CPEB3: variants seen among roughly 807,000 people sequenced by gnomAD.
CPEB3 encodes the protein cytoplasmic polyadenylation element-binding protein 3.
In CPEB3, 20 loss-of-function variants were observed where a neutral mutation model predicts 67.2. The observed-to-expected ratio is 0.30, with a 90% confidence interval of 0.21 to 0.43. The LOEUF (loss-of-function observed/expected upper bound fraction) is 0.43. CPEB3 is among the 20% of genes least tolerant of loss of function. The probability of loss-of-function intolerance (pLI) is 1.00; values close to 1 mark genes in which losing one functional copy is unlikely to be tolerated. For missense variants in CPEB3, 746 were observed against 968.6 expected, an observed-to-expected ratio of 0.77 and a Z score of 3.05; for synonymous variants, 376 against 393.1, an observed-to-expected ratio of 0.96 and a Z score of 0.51.
At chr10:92,084,517 G>A (rs1432503062) in intron 8 of CPEB3, among the ~76,000 whole-genome samples, 1 of 151,990 alleles carries the variant, frequency 6.6e-6, no homozygotes, top group Non-Finnish European at 1.5e-5. Flanking sequence ...GAGGTTTTTG[G>A]GAGAAGAGTA....
At chr10:92,083,770 A>G (rs1011139591) in intron 8 of CPEB3, among the ~76,000 whole-genome samples, 3 of 152,218 alleles carry the variant, frequency 2.0e-5, no homozygotes, top group African/African-American at 7.2e-5. Flanking sequence ...CCACGATAGG[A>G]AGGACTCAAT....
intron 1 of CPEB3, among the ~76,000 whole-genome samples, chr10:92,260,737 T>C (rs186033659): frequency 1.3e-5 from 2 of 151,936 alleles, no homozygotes; most frequent in Admixed American, 6.6e-5. Flanking sequence ...GCCTCCCGAG[T>C]AGCTGGGATT....
At chr10:92,145,149 T>C in intron 4 of CPEB3, 64 bp from the exon 5 acceptor site, 2 of 1,586,500 alleles carry the variant, frequency 1.3e-6, no homozygotes, top group Non-Finnish European at 8.6e-7. Context: ...ATTAAAATGA[T>C]TTTCTAGGAC....
In CPEB3 at chr10:92,077,909, T is replaced by G. The variant is rs1303972736; in HGVS notation, c.1869+3411A>C. ...GGTCCCTGAGGGGAAAAAGGGAGAGTAGGGACTTTGCCACTTTCAATGACT... is the reference window on the plus strand; with the variant it reads ...GGTCCCTGAGGGGAAAAAGGGAGAGGAGGGACTTTGCCACTTTCAATGACT... On this transcript the variant is annotated intron_variant, in intron 9 of 9. Transcript: ENST00000265997. Among the ~76,000 whole-genome samples the G allele has an allele frequency of 2.0e-5, 3 of 151,020 alleles. No homozygotes were observed. In the East Asian group the frequency reaches 5.9e-4, roughly 29 times the overall value.
intron 9 of CPEB3, among the ~76,000 whole-genome samples, chr10:92,064,243 G>C (rs543022997): frequency 6.6e-6 from 1 of 152,270 alleles, no homozygotes; most frequent in East Asian, 1.9e-4. Context: ...ATAATGACAT[G>C]AGCACCTCTG....
At chr10:92,284,089 A>G (rs1223509190) in intron 1 of CPEB3, among the ~76,000 whole-genome samples, 2 of 140,432 alleles carry the variant, frequency 1.4e-5, no homozygotes, top group Non-Finnish European at 3.0e-5. Flanking sequence ...ACCAGGCTGG[A>G]GTGCAGTGGT....
At chr10:92,136,422 T>C (rs1457302555) in intron 6 of CPEB3, among the ~76,000 whole-genome samples, 3 of 151,926 alleles carry the variant, frequency 2.0e-5, no homozygotes. Flanking sequence ...TGGGAGAAAA[T>C]AGTTACAAAC....
chr10:92,216,617 G>C (rs1328971002), intron 2 of CPEB3: 1 of 1,610,140 alleles, frequency 6.2e-7, no homozygotes, highest in African/African-American at 1.3e-5. Flanking sequence ...CCATCTCCCA[G>C]TTAGGTGTGA....
At chr10:92,179,979 A>G (rs933410843) in intron 4 of CPEB3, among the ~76,000 whole-genome samples, 1 of 152,200 alleles carries the variant, frequency 6.6e-6, no homozygotes, top group Non-Finnish European at 1.5e-5. Flanking sequence ...TATATCTGGG[A>G]AGATGAGAGG....
At position 92,291,053 on chromosome 10, in the gene CPEB3, T is replaced by A. The variant is rs377162078; in HGVS notation, c.-139A>T. Reference sequence around the variant, plus strand: ...CAGACGGCGGCAGGCGCGGAGGCGTTGGTCCGGGCGGGCTGTGCAGCCTCT... The same window carrying A: ...CAGACGGCGGCAGGCGCGGAGGCGTAGGTCCGGGCGGGCTGTGCAGCCTCT... On this transcript the variant is annotated 5_prime_UTR_variant, in exon 1 of 10. Transcript: ENST00000265997. The A allele has an allele frequency of 2.3e-4, 41 of 176,968 alleles. No individual in the cohort carries two copies. In the East Asian group the frequency reaches 2.8e-3, roughly 12 times the overall value. The allele number at this position is 176,968 out of a possible 1,614,324, so 11.0% of individuals were successfully genotyped here.
At chr10:92,116,262 AAAAAATAAT>A (rs1281592933) in intron 6 of CPEB3, among the ~76,000 whole-genome samples, 4 of 138,784 alleles carry the variant, frequency 2.9e-5, no homozygotes, top group Non-Finnish European at 4.9e-5. Flanking sequence ...TAAAAAAAAA[AAAAAATAAT>A]AATAATAATA....
chr10:92,280,868 T>G (rs1322599138), intron 1 of CPEB3, among the ~76,000 whole-genome samples: 1 of 148,030 alleles, frequency 6.8e-6, no homozygotes, highest in African/African-American at 2.5e-5. Flanking sequence ...CAAGCAATTC[T>G]CCTGCCTCAG....
At chr10:92,283,294 C>A (rs1300037760) in intron 1 of CPEB3, among the ~76,000 whole-genome samples, 2 of 152,090 alleles carry the variant, frequency 1.3e-5, no homozygotes, top group Non-Finnish European at 2.9e-5. Context: ...CTCACCTTTA[C>A]TGAAGAACTT....
intron 9 of CPEB3, among the ~76,000 whole-genome samples, chr10:92,061,830 T>C (rs1032743179): frequency 6.6e-6 from 1 of 152,168 alleles, no homozygotes; most frequent in Non-Finnish European, 1.5e-5. Context: ...AGGAGTGTAA[T>C]TGGATTGTTT....
At chr10:92,204,535 A>T (rs1849687944) in intron 2 of CPEB3, among the ~76,000 whole-genome samples, 1 of 152,190 alleles carries the variant, frequency 6.6e-6, no homozygotes, top group African/African-American at 2.4e-5. Context: ...TCACCAATGT[A>T]CATGTTCGTA....
chr10:92,139,276 T>TCA (rs1179962468), intron 6 of CPEB3, among the ~76,000 whole-genome samples: 14 of 131,558 alleles, frequency 1.1e-4, no homozygotes, highest in African/African-American at 9.4e-5. Context: ...AAACTCCATC[T>TCA]CACACACACA....
intron 1 of CPEB3, among the ~76,000 whole-genome samples, chr10:92,256,550 A>T (rs899952097): frequency 6.6e-6 from 1 of 151,764 alleles, no homozygotes; most frequent in Non-Finnish European, 1.5e-5. Context: ...CACCACACCC[A>T]GCTAATTTTT....
intron 4 of CPEB3, among the ~76,000 whole-genome samples, chr10:92,152,172 G>C (rs1038634137): frequency 3.9e-5 from 6 of 152,074 alleles, no homozygotes; most frequent in African/African-American, 1.4e-4. Context: ...GTCATTCTAG[G>C]CTTCCTCAAA....
chr10:92,257,845 T>A (rs538238643), intron 1 of CPEB3, among the ~76,000 whole-genome samples: 1 of 149,612 alleles, frequency 6.7e-6, no homozygotes, highest in East Asian at 2.0e-4. Flanking sequence ...TTCTCCTGCC[T>A]CAGCCCCCTG....
Sources: gnomAD v4.1 joint callset for allele counts (sites outside exome capture counted in the v4.1 genomes callset) on GRCh38, gnomAD v4.1.1 for gene constraint, MANE v1.5 for transcripts, NCBI Gene and HGNC (gene_info 2026-07-23, HGNC 2026-07-21) for gene names.